Variants in RHOU observed in about 807,000 individuals in gnomAD.
RHOU encodes ras homolog family member U, also known as rho-related GTP-binding protein RhoU.
In RHOU, 8 loss-of-function variants were observed where a neutral mutation model predicts 12.6. The ratio of observed to expected loss-of-function variants is 0.64; its 90% confidence interval spans 0.37 to 1.15. The LOEUF (loss-of-function observed/expected upper bound fraction) is 1.15, where lower values mean the gene tolerates loss of function less well. Ranked by LOEUF, RHOU falls within the 50% of genes most tolerant of loss-of-function variation. The pLI is 0.01. For synonymous variants in RHOU, 161 were observed against 147.4 expected (o/e 1.09, Z -0.67); for missense variants, 258 against 347.0 (o/e 0.74, Z 2.04).
chr1:228,686,348 G>T, the RHOU span, among the ~76,000 whole-genome samples: 2 of 151,998 alleles, frequency 1.3e-5, no homozygotes, highest in African/African-American at 4.8e-5. Context: ...AAATATTTTG[G>T]AAATAGTGGT....
At chr1:228,656,133 C>T in the RHOU span, among the ~76,000 whole-genome samples, 2 of 152,144 alleles carry the variant, frequency 1.3e-5, no homozygotes, top group Admixed American at 1.3e-4. Context: ...TCCATATTCA[C>T]TTTGCAATGC....
At chr1:228,688,704 A>G in the RHOU span, among the ~76,000 whole-genome samples, 4 of 152,172 alleles carry the variant, frequency 2.6e-5, no homozygotes, top group Non-Finnish European at 5.9e-5. Context: ...GTTATGTACA[A>G]AACACCAAGA....
the RHOU span, among the ~76,000 whole-genome samples, chr1:228,651,601 T>A: frequency 6.6e-6 from 1 of 152,214 alleles, no homozygotes; most frequent in Admixed American, 6.5e-5. Context: ...CAGCACGTGC[T>A]GACTACTGTA....
the RHOU span, among the ~76,000 whole-genome samples, chr1:228,671,072 T>C: frequency 0.018 from 2,703 of 152,304 alleles, 67 homozygotes; most frequent in African/African-American, 0.062. Flanking sequence ...TGGCGTGATC[T>C]TGGCTCACTG....
chr1:228,720,560 C>G, the RHOU span, among the ~76,000 whole-genome samples: 68 of 152,236 alleles, frequency 4.5e-4, no homozygotes, highest in Non-Finnish European at 6.9e-4. Context: ...CACACAGACA[C>G]ATACAAAGGA....
At chr1:228,687,843 CCA>C in the RHOU span, 1 of 1,182,344 alleles carries the variant, frequency 8.5e-7, no homozygotes. Flanking sequence ...AGGCTAATTT[CCA>C]CATAGCCGTG....
At chr1:228,665,973 T>G in the RHOU span, among the ~76,000 whole-genome samples, 1 of 151,886 alleles carries the variant, frequency 6.6e-6, no homozygotes, top group African/African-American at 2.4e-5. Context: ...AGTGTTCTTT[T>G]TTTTTTGACA....
the RHOU span, among the ~76,000 whole-genome samples, chr1:228,646,646 T>TGGCACTAGA: frequency 1.4e-5 from 2 of 144,496 alleles, no homozygotes; most frequent in Non-Finnish European, 3.0e-5. Flanking sequence ...TGCCCCGGGC[T>TGGCACTAGA]GGCACTAGAG....
At chr1:228,698,427 A>T in the RHOU span, among the ~76,000 whole-genome samples, 1 of 152,360 alleles carries the variant, frequency 6.6e-6, no homozygotes. Context: ...ATGTGTAACC[A>T]GAAGTGTCAG....
chr1:228,682,312 C>T, the RHOU span, among the ~76,000 whole-genome samples: 2 of 152,218 alleles, frequency 1.3e-5, no homozygotes, highest in African/African-American at 4.8e-5. Context: ...GGGGACTGGT[C>T]TCCCGAAGGA....
chr1:228,673,019 C>T, the RHOU span, among the ~76,000 whole-genome samples: 1 of 152,180 alleles, frequency 6.6e-6, no homozygotes, highest in African/African-American at 2.4e-5. Flanking sequence ...AGGGTAGTCT[C>T]AACTTCCAAT....
chr1:228,709,750 C>T, the RHOU span, among the ~76,000 whole-genome samples: 3 of 151,404 alleles, frequency 2.0e-5, no homozygotes, highest in Non-Finnish European at 2.9e-5. Context: ...ATTAAAAGAA[C>T]TAGAAAAGCA....
the RHOU span, among the ~76,000 whole-genome samples, chr1:228,714,672 T>G: frequency 6.6e-6 from 1 of 151,974 alleles, no homozygotes; most frequent in Non-Finnish European, 1.5e-5. Flanking sequence ...TTTCTTATTT[T>G]GTATTTTTGA....
At chr1:228,691,162 G>C in the RHOU span, among the ~76,000 whole-genome samples, 1 of 151,880 alleles carries the variant, frequency 6.6e-6, no homozygotes, top group Non-Finnish European at 1.5e-5. Context: ...AATGCAGAGA[G>C]TTCCCATATC....
chr1:228,665,889 C>T, the RHOU span, among the ~76,000 whole-genome samples: 1 of 152,092 alleles, frequency 6.6e-6, no homozygotes, highest in Non-Finnish European at 1.5e-5. Flanking sequence ...GATGTCAAAG[C>T]ATCAAAAATA....
rs369357572 is a variant in RHOU at position 228,738,125 on chromosome 1, A to G, written c.321+394A>G. ...GTTTTATTAAAGGCCAGTGAGTCAG[A>G]TATTGAAGAAATTTGCTCAAGAAAA... On this transcript the variant is annotated intron_variant, in intron 2 of 2. Transcript: ENST00000366691. The surrounding 1 kb of genome is among the most constrained non-coding windows in gnomAD (Gnocchi z 4.2). Among the ~76,000 whole-genome samples the G allele has an allele frequency of 2.6e-5, 4 of 152,338 alleles. No individual in the cohort carries two copies. The highest frequency in any genetic ancestry group is 1.9e-4 in the East Asian group (1 of 5,186).
chr1:228,687,079 A>C, the RHOU span, among the ~76,000 whole-genome samples: 1 of 152,174 alleles, frequency 6.6e-6, no homozygotes, highest in African/African-American at 2.4e-5. Context: ...AATTATAGTG[A>C]GCTGACTAGT....
the RHOU span, among the ~76,000 whole-genome samples, chr1:228,673,549 T>A: frequency 6.6e-6 from 1 of 152,148 alleles, no homozygotes; most frequent in Non-Finnish European, 1.5e-5. Flanking sequence ...ACGGATTTCC[T>A]CCCTGCTGTT....
At chr1:228,729,947 G>T in the RHOU span, among the ~76,000 whole-genome samples, 1 of 152,194 alleles carries the variant, frequency 6.6e-6, no homozygotes, top group Non-Finnish European at 1.5e-5. Flanking sequence ...CCCTTACCAT[G>T]ACACTAACTG....
Sources: gnomAD v4.1 joint callset for allele counts (sites outside exome capture counted in the v4.1 genomes callset) on GRCh38, gnomAD v4.1.1 for gene constraint, Gnocchi (gnomAD v3.1) non-coding constraint, MANE v1.5 for transcripts, NCBI Gene and HGNC (gene_info 2026-07-23, HGNC 2026-07-21) for gene names.